Variants in COG4 observed in about 807,000 individuals in gnomAD.
The protein encoded by COG4 is conserved oligomeric Golgi complex subunit 4.
Under a neutral mutation model 95.1 loss-of-function variants are expected in COG4, and 65 were observed. The ratio of observed to expected loss-of-function variants is 0.68; its 90% CI spans 0.56 to 0.84. COG4 has a LOEUF of 0.84. Ranked by LOEUF, COG4 falls within the 40% of genes least tolerant of loss-of-function variation. The pLI is 0.00. For synonymous variants in COG4, 421 were observed against 374.8 expected, an observed-to-expected ratio of 1.12 and a Z score of -1.42; for missense variants, 1,045 against 989.1, an observed-to-expected ratio of 1.06 and a Z score of -0.76.
intron 8 of COG4, among the ~76,000 whole-genome samples, chr16:70,505,097 G>C (rs1343580679): frequency 1.8e-4 from 27 of 151,850 alleles, no homozygotes; most frequent in Admixed American, 1.7e-3. Context: ...AATTATGTTT[G>C]CTTGCTCACT....
chr16:70,510,748 G>C (rs915699917), intron 5 of COG4, among the ~76,000 whole-genome samples: 1 of 151,512 alleles, frequency 6.6e-6, no homozygotes, highest in African/African-American at 2.4e-5. Flanking sequence ...GATAAAAAAA[G>C]TACCATAGAG....
intron 9 of COG4, among the ~76,000 whole-genome samples, chr16:70,499,065 A>C (rs2049396711): frequency 6.6e-6 from 1 of 152,194 alleles, no homozygotes; most frequent in African/African-American, 2.4e-5. Flanking sequence ...AAAATAAACA[A>C]ACAACAAGAA....
chr16:70,483,794 ATCT>A, intron 14 of COG4, 56 bp downstream of exon 14: 5 of 1,323,744 alleles, frequency 3.8e-6, no homozygotes, highest in Non-Finnish European at 5.5e-6. Context: ...CCAGCTAACA[ATCT>A]TCTCAGAGCA....
intron 16 of COG4, 56 bp from the exon 17 acceptor site, chr16:70,481,921 C>T (rs2049004551): frequency 6.6e-7 from 1 of 1,509,276 alleles, no homozygotes; most frequent in Admixed American, 1.7e-5. Flanking sequence ...TGCCTCTATG[C>T]TGGAGTCTTA....
chr16:70,490,382 T>C lies in COG4; in HGVS notation c.1658A>G (p.Asn553Ser), dbSNP rs2049220143. Residue 553 changes from asparagine (N) to serine (S), a missense_variant, in exon 13 of 19, where the codon AAC becomes AGC. Asn to Ser is a conservative substitution (Grantham distance 46). Transcript: ENST00000323786. The part of the protein sequence containing the change: ...EAKMSFLVTL[N>S]NVEVCSENIS... ...GTTTTCACTGCAGACTTCCACGTTG[T>C]TCAGAGTCACCTGGGAGATGAGGAA... 6.2e-7 allele frequency: 1 copy of C among 1,613,672 alleles called. No homozygotes were observed.
chr16:70,514,274 G>A, intron 4 of COG4, 61 bp downstream of exon 4: 1 of 1,483,044 alleles, frequency 6.7e-7, no homozygotes, highest in Non-Finnish European at 9.4e-7. Context: ...GGTCGAGTCT[G>A]CTTACTTCAG....
intron 14 of COG4, among the ~76,000 whole-genome samples, chr16:70,483,548 C>T (rs944511679): frequency 1.3e-5 from 2 of 152,050 alleles, no homozygotes; most frequent in Non-Finnish European, 1.5e-5. Context: ...GCAGCACCTG[C>T]GGCTAGGTCA....
At position 70,480,921 on chromosome 16, in the gene COG4, A is replaced by C. The variant is rs2048975598; in HGVS notation, c.*89T>G. The C allele has an allele frequency of 1.3e-6, 2 of 1,512,208 alleles. No individual in the cohort carries two copies. Among genetic ancestry groups the C allele is most frequent in the East Asian group, 4.5e-5 (2 of 44,198 alleles). The allele number at this position is 1,512,208 out of a possible 1,614,324, so 93.7% of individuals were successfully genotyped here. A position where few individuals can be genotyped will look rare whatever the true frequency, so the allele number is the denominator to read the frequency against. ...GGTCTGGGCTGTCAGATCTCCCCCA[A>C]GCCAGACAGCCTCGCTCAGCTCCTT... On this transcript the variant is annotated 3_prime_UTR_variant, in exon 19 of 19. Coordinates refer to ENST00000323786, the MANE Select transcript of COG4 (RefSeq NM_015386.3).
At chr16:70,490,238 G>T in intron 13 of COG4, 92 bp downstream of exon 13, 1 of 1,059,772 alleles carries the variant, frequency 9.4e-7, no homozygotes, top group Non-Finnish European at 1.5e-6. Context: ...ATGTCACCAA[G>T]ATAAGTGTCT....
intron 1 of COG4, among the ~76,000 whole-genome samples, chr16:70,520,924 T>C (rs1452907264): frequency 5.9e-5 from 9 of 152,240 alleles, no homozygotes; most frequent in Non-Finnish European, 1.3e-4. Context: ...ACATGGTATG[T>C]GGCATATAGT....
In COG4 at chr16:70,481,103, T is replaced by C. The variant is rs759073858; in HGVS notation, c.2277A>G (p.Pro759=). ...CAGCAGGGGTGAGGCGCCACGTCAATGGGCCGGAATTGGGTCCCCAGTAAT... is the reference window on the plus strand; with the variant it reads ...CAGCAGGGGTGAGGCGCCACGTCAACGGGCCGGAATTGGGTCCCCAGTAAT... ...ILDYWGPNSG[P]LTWRLTPAEV... Residue 759 remains proline (P), a synonymous_variant, in exon 19 of 19, where the codon CCA becomes CCG. Coordinates refer to ENST00000323786, the MANE Select transcript of COG4 (RefSeq NM_015386.3). 2 of 1,613,448 alleles carry C rather than the reference T, an allele frequency of 1.2e-6. No individual in the cohort carries two copies. The highest frequency in any genetic ancestry group is 1.1e-5 in the South Asian group (1 of 91,078).
chr16:70,519,121 T>TAACAAGGTGTGATGC (rs1597693605), intron 2 of COG4, among the ~76,000 whole-genome samples: 1 of 89,974 alleles, frequency 1.1e-5, no homozygotes, highest in South Asian at 4.2e-4. Context: ...TTTGCATTTC[T>TAACAAGGTGTGATGC]TTTTTTTTTT....
intron 8 of COG4, 63 bp from the exon 9 acceptor site, chr16:70,501,154 G>A (rs1311020492): frequency 6.3e-7 from 1 of 1,585,134 alleles, no homozygotes; most frequent in Non-Finnish European, 8.6e-7. Context: ...AAGAGCTACA[G>A]GGCAAAGAGA....
At chr16:70,522,279 G>C (rs1296727380) in intron 1 of COG4, among the ~76,000 whole-genome samples, 9 of 152,166 alleles carry the variant, frequency 5.9e-5, no homozygotes, top group Non-Finnish European at 1.5e-5. Flanking sequence ...GCAGGCGTGA[G>C]CCACCGCGCC....
intron 5 of COG4, 53 bp from the exon 6 acceptor site, chr16:70,510,074 A>G: frequency 6.9e-7 from 1 of 1,455,236 alleles, no homozygotes; most frequent in Non-Finnish European, 9.7e-7. Flanking sequence ...CCCTCATACC[A>G]GGTATATCTC....
At chr16:70,482,504 A>T in intron 15 of COG4, 2 of 619,212 alleles carry the variant, frequency 3.2e-6, no homozygotes, top group Non-Finnish European at 5.8e-6. Context: ...AAAGAGCTCC[A>T]ATAAGGGAAT....
rs565365214 is a variant in COG4, at chr16:70,515,553, G to A, written c.370-1044C>T. Among the ~76,000 whole-genome samples, 21 of 152,128 alleles carry A rather than the reference G, an allele frequency of 1.4e-4. No individual in the cohort carries two copies. The Middle Eastern group carries it at 0.01, about 74-fold the overall frequency. ...ACAAAAATTAGCCAGGCCTGGTGGC[G>A]CATGCCTGTAATCCCAGCTACTCGG... On this transcript the variant is annotated intron_variant, in intron 3 of 18. Coordinates refer to ENST00000323786, the MANE Select transcript of COG4 (RefSeq NM_015386.3).
In COG4 at chr16:70,513,301, C is replaced by T. The variant is rs1035044685; in HGVS notation, c.545-869G>A. On this transcript the variant is annotated intron_variant, in intron 4 of 18. Coordinates refer to ENST00000323786, the MANE Select transcript of COG4 (RefSeq NM_015386.3). The stretch of plus-strand genomic sequence containing the variant: ...AAAGATCATGGAAGATCTAAAATAT[C>T]AGGCTAAGAATTTCATTTTATGAGT... 8.5e-5 allele frequency among the ~76,000 whole-genome samples: 13 copies of T among 152,162 alleles called. No individual in the cohort carries two copies. In the East Asian group the frequency reaches 1.5e-3, roughly 18 times the overall value.
In COG4 at chr16:70,496,448, C is replaced by T. The variant is rs1256284383; in HGVS notation, c.1482-17G>A. On this transcript the variant is annotated splice_polypyrimidine_tract_variant and intron_variant, in intron 11 of 18. Transcript: ENST00000323786. The stretch of plus-strand genomic sequence containing the variant: ...AGAACATCCCTGGGGGGCAGGATTG[C>T]ATAGAGGAATTGACAGTGCTCAACT... 9 of 1,613,832 alleles carry T rather than the reference C, an allele frequency of 5.6e-6. No homozygotes were observed. Among genetic ancestry groups the T allele is most frequent in the African/African-American group, 1.3e-5 (1 of 74,888 alleles).
Sources: gnomAD v4.1 joint callset for allele counts (sites outside exome capture counted in the v4.1 genomes callset) on GRCh38, gnomAD v4.1.1 for gene constraint, MANE v1.5 for transcripts, NCBI Gene and HGNC (gene_info 2026-07-23, HGNC 2026-07-21) for gene names.